Variants in KDM6A observed in about 807,000 individuals in gnomAD.
KDM6A encodes the protein lysine-specific demethylase 6A.
In KDM6A, 11 loss-of-function variants were observed where a neutral mutation model predicts 117.6. That is an observed-to-expected ratio of 0.09 (90% CI 0.06 to 0.15). KDM6A has a LOEUF of 0.15. Ranked by LOEUF, KDM6A falls within the 10% of genes least tolerant of loss-of-function variation. KDM6A has a pLI of 1.00. For missense variants in KDM6A, 799 were observed against 1,077.3 expected, an observed-to-expected ratio of 0.74 and a Z score of 3.62; for synonymous variants, 384 against 396.1, an observed-to-expected ratio of 0.97 and a Z score of 0.36.
chrX:45,076,966 G>A (rs747912759), intron 19 of KDM6A, 140 bp downstream of exon 19: 24 of 410,479 alleles, frequency 5.8e-5, no homozygotes, highest in Non-Finnish European at 9.0e-5. Flanking sequence ...GGGCGGGGGG[G>A]AAGATATATT....
At chrX:45,026,847 A>G (rs952503493) in intron 6 of KDM6A, among the ~76,000 whole-genome samples, 4 of 109,736 alleles carry the variant, frequency 3.6e-5, no homozygotes, top group Non-Finnish European at 7.6e-5. Context: ...AAAAAAAAAA[A>G]AAGATACTGT....
At chrX:44,926,974 G>A (rs776798935) in intron 2 of KDM6A, among the ~76,000 whole-genome samples, 13 of 111,368 alleles carry the variant, frequency 1.2e-4, no homozygotes, top group Non-Finnish European at 1.3e-4. Context: ...GTTACCTTGC[G>A]CAAGGGCTGT....
chrX:44,903,018 A>G (rs907191521), intron 2 of KDM6A, among the ~76,000 whole-genome samples: 4 of 111,812 alleles, frequency 3.6e-5, no homozygotes, highest in African/African-American at 1.3e-4. Flanking sequence ...ATGCTATCAC[A>G]TTGGCGATTA....
chrX:45,093,159 G>C (rs2045958037), intron 27 of KDM6A, among the ~76,000 whole-genome samples: 1 of 109,895 alleles, frequency 9.1e-6, no homozygotes, highest in Non-Finnish European at 1.9e-5. Context: ...AGGCGAGCCG[G>C]ATCACTTGAG....
At chrX:44,973,048 TAAATC>T (rs2039438887) in intron 3 of KDM6A, among the ~76,000 whole-genome samples, 1 of 102,990 alleles carries the variant, frequency 9.7e-6, no homozygotes. Context: ...AAAAAAAAAG[TAAATC>T]AAAGCAGAAC....
intron 2 of KDM6A, among the ~76,000 whole-genome samples, chrX:44,926,501 T>G (rs1350423255): frequency 8.9e-6 from 1 of 111,892 alleles, no homozygotes; most frequent in Admixed American, 9.5e-5. Context: ...TTCAGGCTCC[T>G]TTCAGTCTTC....
At chrX:44,906,812 G>A (rs2034704037) in intron 2 of KDM6A, among the ~76,000 whole-genome samples, 1 of 111,615 alleles carries the variant, frequency 9.0e-6, no homozygotes. Flanking sequence ...AGCCACTGTG[G>A]TGCTGGGCCC....
intron 6 of KDM6A, among the ~76,000 whole-genome samples, chrX:45,030,858 C>G (rs1379350113): frequency 9.0e-6 from 1 of 110,819 alleles, no homozygotes; most frequent in Non-Finnish European, 1.9e-5. Context: ...CCATACCCTG[C>G]TAATTTTTGT....
intron 4 of KDM6A, among the ~76,000 whole-genome samples, chrX:44,978,565 C>T (rs779014317): frequency 1.8e-5 from 2 of 112,226 alleles, no homozygotes; most frequent in Non-Finnish European, 3.8e-5. Flanking sequence ...TGTCTAGCTT[C>T]ACAAAAAATA....
chrX:45,070,376 A>G lies in KDM6A; in HGVS notation c.2858+19A>G, dbSNP rs777060333. On this transcript the variant is annotated intron_variant, in intron 18 of 29. Coordinates refer to ENST00000611820, the MANE Select transcript of KDM6A (RefSeq NM_001291415.2). The stretch of plus-strand genomic sequence containing the variant: ...CATGCAGGTTAGTGTGGGAAAGTTC[A>G]TCAAAGTGAAAATGTTTGACTTACT... The G allele has an allele frequency of 8.4e-7, 1 of 1,194,715 alleles. No individual in the cohort carries two copies. Among genetic ancestry groups the G allele is most frequent in the Non-Finnish European group, 1.1e-6 (1 of 881,680 alleles).
rs751280143 is a variant in KDM6A, at chrX:45,028,748, A to G, written c.565-6183A>G. Among the ~76,000 whole-genome samples the G allele has an allele frequency of 1.1e-4, 12 of 112,389 alleles. 1 individual carries two copies. The South Asian group carries it at 4.4e-3, about 41-fold the overall frequency. On this transcript the variant is annotated intron_variant, in intron 6 of 29. Coordinates refer to ENST00000611820, the MANE Select transcript of KDM6A (RefSeq NM_001291415.2). ...TACGAGGCAACCTCCTAATTAATTT[A>G]TCTGGCCACTTAATAATGCTTTCTC...
chrX:44,875,608 A>T (rs1378621625), intron 2 of KDM6A, among the ~76,000 whole-genome samples: 3 of 108,505 alleles, frequency 2.8e-5, no homozygotes, highest in African/African-American at 1.0e-4. Context: ...TATTTTATTT[A>T]AAAATATTTG....
rs1041355426 is a variant in KDM6A at position 45,032,702 on chromosome X, C to T, written c.565-2229C>T. On this transcript the variant is annotated intron_variant, in intron 6 of 29. Coordinates refer to ENST00000611820, the MANE Select transcript of KDM6A (RefSeq NM_001291415.2). ...CTAACCTTAGGTGATCTGCCCGCCT[C>T]GGCCTCCCAAAGTACTGGGATTATA... Among the ~76,000 whole-genome samples, 3 of 111,547 alleles carry T rather than the reference C, an allele frequency of 2.7e-5. No individual in the cohort carries two copies. The Admixed American group carries it at 2.9e-4, about 11-fold the overall frequency.
chrX:44,989,956 T>A (rs2147385560), intron 4 of KDM6A, among the ~76,000 whole-genome samples: 1 of 111,850 alleles, frequency 8.9e-6, no homozygotes, highest in East Asian at 2.8e-4. Flanking sequence ...ATCTTTTATA[T>A]AAAAATCATT....
At chrX:44,980,349 T>C (rs1454647227) in intron 4 of KDM6A, among the ~76,000 whole-genome samples, 1 of 111,514 alleles carries the variant, frequency 9.0e-6, no homozygotes, top group African/African-American at 3.3e-5. Flanking sequence ...CTAGGTCTTT[T>C]GCCTTTGCAT....
At position 45,081,175 on chromosome X, in the gene KDM6A, G is replaced by C. The variant is rs1326018352; in HGVS notation, c.3301-1401G>C. 3.6e-5 allele frequency among the ~76,000 whole-genome samples: 4 copies of C among 111,764 alleles called. No individual in the cohort carries two copies. In the South Asian group the frequency reaches 1.5e-3, roughly 42 times the overall value. ...TCGAACTCCCAACCTCAGGTGATCT[G>C]CCCATCTCGGCTTCCCAAAGTGCTG... On this transcript the variant is annotated intron_variant, in intron 21 of 29. Coordinates refer to ENST00000611820, the MANE Select transcript of KDM6A (RefSeq NM_001291415.2).
chrX:45,002,408 G>C (rs1010274178), intron 4 of KDM6A, among the ~76,000 whole-genome samples: 1 of 112,074 alleles, frequency 8.9e-6, no homozygotes, highest in Admixed American at 9.5e-5. Context: ...TTAATGTCCA[G>C]TTCACAGAAA....
chrX:45,103,245 G>A lies in KDM6A; in HGVS notation c.4035-4165G>A, dbSNP rs1026617221. On this transcript the variant is annotated intron_variant, in intron 27 of 29. Transcript: ENST00000611820. ...TCCTGTTACTTCCTGCCCCAGAAAC[G>A]TCATGCGAAGATTAAAATCTTGTAA... is the stretch of plus-strand genomic sequence containing the variant. Among the ~76,000 whole-genome samples the A allele has an allele frequency of 6.3e-5, 7 of 110,846 alleles. 1 individual carries two copies. The highest frequency in any genetic ancestry group is 9.7e-5 in the Admixed American group (1 of 10,355).
chrX:45,078,245 C>G (rs1180897993), intron 19 of KDM6A, among the ~76,000 whole-genome samples, 155 bp from the exon 20 acceptor site: 1 of 111,975 alleles, frequency 8.9e-6, no homozygotes, highest in Non-Finnish European at 1.9e-5. Context: ...AAACTAGAAT[C>G]AAAAGTCACA....
Sources: gnomAD v4.1 joint callset for allele counts (sites outside exome capture counted in the v4.1 genomes callset) on GRCh38, gnomAD v4.1.1 for gene constraint, MANE v1.5 for transcripts, NCBI Gene and HGNC (gene_info 2026-07-23, HGNC 2026-07-21) for gene names.